The following SNX31 variants were observed in gnomAD, a reference collection of about 807,000 sequenced individuals.
The protein encoded by SNX31 is sorting nexin 31, also known as sorting nexin-31.
A neutral mutation model predicts 65.4 loss-of-function variants in SNX31; 58 were observed. The ratio of observed to expected loss-of-function variants is 0.89; its 90% CI spans 0.72 to 1.10. The LOEUF (loss-of-function observed/expected upper bound fraction) is 1.10, where lower values mean the gene tolerates loss of function less well. Ranked by LOEUF, SNX31 falls within the 50% of genes least tolerant of loss-of-function variation. The pLI is 0.00. For synonymous variants in SNX31, 181 were observed against 190.1 expected, an observed-to-expected ratio of 0.95 and a Z score of 0.39; for missense variants, 523 against 529.7, an observed-to-expected ratio of 0.99 and a Z score of 0.12.
rs1490358495 is a variant in SNX31, at chr8:100,604,761, T to C, written c.681+3733A>G. ...AACAGGCTGTGGGAATTCAGTTGAC[T>C]CATTGGATATCACTGGGCACATCTG... On this transcript the variant is annotated intron_variant, in intron 8 of 13. Transcript: ENST00000311812. The surrounding 1 kb of genome is among the most constrained non-coding windows in gnomAD (Gnocchi z 4.3). Among the ~76,000 whole-genome samples the C allele has an allele frequency of 6.6e-6, 1 of 152,230 alleles. No individual in the cohort carries two copies. Among genetic ancestry groups the C allele is most frequent in the Non-Finnish European group, 1.5e-5 (1 of 68,032 alleles).
intron 10 of SNX31, among the ~76,000 whole-genome samples, chr8:100,592,378 T>G (rs761977256): frequency 1.3e-5 from 2 of 151,814 alleles, no homozygotes; most frequent in Non-Finnish European, 2.9e-5. Context: ...CAACCACAAA[T>G]AAAGCAGAGA....
rs192213901 is a variant in SNX31 at position 100,590,518 on chromosome 8, C to T, written c.979-1539G>A. On this transcript the variant is annotated intron_variant, in intron 10 of 13. Coordinates refer to ENST00000311812, the MANE Select transcript of SNX31 (RefSeq NM_152628.4). Reference sequence around the variant, plus strand: ...TGGAGGCTGGGTGCAGTGGTTCATGCCTGTAATCCCAACAGTTTGGGAGGC... The same window carrying T: ...TGGAGGCTGGGTGCAGTGGTTCATGTCTGTAATCCCAACAGTTTGGGAGGC... Among the ~76,000 whole-genome samples the T allele has an allele frequency of 5.3e-5, 8 of 152,310 alleles. No homozygotes were observed. The East Asian group carries it at 1.5e-3, about 29-fold the overall frequency.
rs562206225 is a variant in SNX31 at position 100,639,351 on chromosome 8, G to A, written c.142-3340C>T. Among the ~76,000 whole-genome samples, 3 of 152,338 alleles carry A rather than the reference G, an allele frequency of 2.0e-5. No homozygotes were observed. The East Asian group carries it at 5.8e-4, about 29-fold the overall frequency. ...CTGACCTAAGTCACTTTGAAAATGAGTGGAGTCTGTAAACTAAAGGCAAAG... is the reference window on the plus strand; with the variant it reads ...CTGACCTAAGTCACTTTGAAAATGAATGGAGTCTGTAAACTAAAGGCAAAG... On this transcript the variant is annotated intron_variant, in intron 2 of 13. Coordinates refer to ENST00000311812, the MANE Select transcript of SNX31 (RefSeq NM_152628.4).
At chr8:100,623,999 T>TG (rs1316048975) in intron 4 of SNX31, among the ~76,000 whole-genome samples, 3 of 74,238 alleles carry the variant, frequency 4.0e-5, no homozygotes, top group South Asian at 5.2e-4. Flanking sequence ...TAACTCCAGT[T>TG]GGGGGGGAGG....
chr8:100,577,184 C>A, intron 12 of SNX31, 109 bp from the exon 13 acceptor site: 1 of 922,820 alleles, frequency 1.1e-6, no homozygotes, highest in South Asian at 1.7e-5. Flanking sequence ...TTAATCGTCC[C>A]AAAGGCTGCC....
In SNX31 at chr8:100,649,540, G is replaced by T. The variant is rs754507876; in HGVS notation, c.-26C>A. ...GGCTGAGCGGTGTCTTGGGAGTAGCGCTGGGAACCCGACCTGCGGCGGCGG... is the reference window on the plus strand; with the variant it reads ...GGCTGAGCGGTGTCTTGGGAGTAGCTCTGGGAACCCGACCTGCGGCGGCGG... On this transcript the variant is annotated 5_prime_UTR_variant, in exon 1 of 14. Coordinates refer to ENST00000311812, the MANE Select transcript of SNX31 (RefSeq NM_152628.4). 2.6e-5 allele frequency: 41 copies of T among 1,553,300 alleles called. No homozygotes were observed. In the East Asian group the frequency reaches 5.8e-4, roughly 22 times the overall value.
rs1053744895 is a variant in SNX31, at chr8:100,630,874, G to A, written c.257-483C>T. Among the ~76,000 whole-genome samples, 4 of 152,112 alleles carry A rather than the reference G, an allele frequency of 2.6e-5. No homozygotes were observed. The highest frequency in any genetic ancestry group is 4.4e-5 in the Non-Finnish European group (3 of 68,010). On this transcript the variant is annotated intron_variant, in intron 3 of 13. Transcript: ENST00000311812. This position sits in a 1 kb window ranked among gnomAD's most constrained non-coding sequence, Gnocchi z 5.3. ...GTGAGCTCGGCTCACTGCAATGTCC[G>A]TCTCCTGGGTTAAGACGATTCTCTT...
At chr8:100,603,756 T>G (rs1269781276) in intron 8 of SNX31, among the ~76,000 whole-genome samples, 1 of 146,970 alleles carries the variant, frequency 6.8e-6, no homozygotes, top group East Asian at 2.0e-4. Flanking sequence ...TTTTTTTTTT[T>G]TGAGACAGCC....
chr8:100,611,936 T>A (rs1816746491), intron 7 of SNX31, 64 bp downstream of exon 7: 1 of 1,250,354 alleles, frequency 8.0e-7, no homozygotes, highest in Non-Finnish European at 1.2e-6. Context: ...GGGACTCTGG[T>A]AAGTCCTGAT....
chr8:100,584,214 C>T, intron 11 of SNX31, 26 bp from the exon 12 acceptor site: 1 of 1,565,120 alleles, frequency 6.4e-7, no homozygotes, highest in Non-Finnish European at 8.6e-7. Context: ...ATAAAGAACT[C>T]TTGTAACCGA....
intron 4 of SNX31, among the ~76,000 whole-genome samples, chr8:100,628,874 T>A (rs189496110): frequency 6.6e-6 from 1 of 151,586 alleles, no homozygotes; most frequent in Admixed American, 6.6e-5. Context: ...TAATGACATT[T>A]TGGTCAACAG....
At chr8:100,597,787 A>G (rs1815250845) in intron 9 of SNX31, among the ~76,000 whole-genome samples, 1 of 152,222 alleles carries the variant, frequency 6.6e-6, no homozygotes, top group Non-Finnish European at 1.5e-5. Context: ...AACTGAGGAC[A>G]GTTGCATTCA....
At chr8:100,600,320 G>C in intron 9 of SNX31, 29 bp downstream of exon 9, 1 of 1,573,268 alleles carries the variant, frequency 6.4e-7, no homozygotes, top group Non-Finnish European at 8.7e-7. Context: ...CCTTTCAAGG[G>C]ATTTCTCTTG....
At chr8:100,627,276 T>G (rs1262448691) in intron 4 of SNX31, among the ~76,000 whole-genome samples, 1 of 152,110 alleles carries the variant, frequency 6.6e-6, no homozygotes, top group Non-Finnish European at 1.5e-5. Context: ...CACTTGAAAC[T>G]GGGAGGTGGA....
At chr8:100,637,594 T>C (rs1818867440) in intron 2 of SNX31, among the ~76,000 whole-genome samples, 1 of 152,238 alleles carries the variant, frequency 6.6e-6, no homozygotes, top group Non-Finnish European at 1.5e-5. Flanking sequence ...TATCATCTCT[T>C]TTCTAGATTA....
chr8:100,585,022 C>T lies in SNX31; in HGVS notation c.1093-834G>A, dbSNP rs1332574718. On this transcript the variant is annotated intron_variant, in intron 11 of 13. Transcript: ENST00000311812. ...TACAGGTGTGAGCCACCGTGCCTGG[C>T]CCACTTTCTTATTTTTCTAGTATCT... Among the ~76,000 whole-genome samples the T allele has an allele frequency of 3.3e-5, 5 of 152,068 alleles. No individual in the cohort carries two copies. The East Asian group carries it at 7.7e-4, about 23-fold the overall frequency.
rs545161675 is a variant in SNX31, at chr8:100,574,517, G to A, written c.1228-557C>T. 2.8e-3 allele frequency among the ~76,000 whole-genome samples: 430 copies of A among 151,808 alleles called. 4 individuals are homozygous for A. Among genetic ancestry groups the A allele is most frequent in the African/African-American group, 9.9e-3 (408 of 41,364 alleles). Reference sequence around the variant, plus strand: ...GCATGGTGGCTGGCGCCTGTGGTCCGAGCTATTCGGGAGGCTGAGGCAGGG... The same window carrying A: ...GCATGGTGGCTGGCGCCTGTGGTCCAAGCTATTCGGGAGGCTGAGGCAGGG... On this transcript the variant is annotated intron_variant, in intron 13 of 13. Coordinates refer to ENST00000311812, the MANE Select transcript of SNX31 (RefSeq NM_152628.4).
chr8:100,608,176 A>G (rs947102961), intron 8 of SNX31, among the ~76,000 whole-genome samples: 4 of 152,194 alleles, frequency 2.6e-5, no homozygotes, highest in South Asian at 2.1e-4. Flanking sequence ...AATATATACA[A>G]CGTAACTTGT....
In SNX31 at chr8:100,610,464, G is replaced by A. The variant is rs1398763047; in HGVS notation, c.611+1536C>T. Among the ~76,000 whole-genome samples, 1 of 151,322 alleles carries A rather than the reference G, an allele frequency of 6.6e-6. No individual in the cohort carries two copies. Among genetic ancestry groups the A allele is most frequent in the Non-Finnish European group, 1.5e-5 (1 of 67,930 alleles). On this transcript the variant is annotated intron_variant, in intron 7 of 13. Transcript: ENST00000311812. The surrounding 1 kb of genome is among the most constrained non-coding windows in gnomAD (Gnocchi z 4.0). ...TATGGGACTATTTTACATAACTCTT[G>A]CAATAACCCTTATAATAATCCAATA... is the stretch of plus-strand genomic sequence containing the variant.
Sources: allele counts gnomAD v4.1 joint callset (sites outside exome capture counted in the v4.1 genomes callset), GRCh38; gene constraint gnomAD v4.1.1; non-coding constraint Gnocchi (gnomAD v3.1); transcripts MANE v1.5; gene names NCBI Gene and HGNC (gene_info 2026-07-23, HGNC 2026-07-21).